Variants in TRPA1 observed in about 807,000 individuals in gnomAD.
TRPA1 encodes ankyrin-like with transmembrane domains 1.
Under a neutral mutation model 131.3 loss-of-function variants are expected in TRPA1, and 129 were observed. That is an observed-to-expected ratio of 0.98 (90% CI 0.85 to 1.14). The LOEUF (loss-of-function observed/expected upper bound fraction) is 1.14, where lower values mean the gene tolerates loss of function less well. Ranked by LOEUF, TRPA1 falls within the 50% of genes most tolerant of loss-of-function variation. The probability of loss-of-function intolerance (pLI) is 0.00; values close to 1 mark genes in which losing one functional copy is unlikely to be tolerated. For synonymous variants in TRPA1, 441 were observed against 451.7 expected, an observed-to-expected ratio of 0.98 and a Z score of 0.30; for missense variants, 1,304 against 1,354.2, an observed-to-expected ratio of 0.96 and a Z score of 0.58.
At chr8:72,063,103 C>T (rs1480829830) in intron 5 of TRPA1, among the ~76,000 whole-genome samples, 159 bp from the exon 6 acceptor site, 3 of 151,362 alleles carry the variant, frequency 2.0e-5, no homozygotes, top group South Asian at 2.1e-4. Flanking sequence ...CAAATTAGGC[C>T]GGGTGTGGTG....
chr8:72,078,996 G>A (rs1180554096), upstream of TRPA1, among the ~76,000 whole-genome samples: 1 of 151,736 alleles, frequency 6.6e-6, no homozygotes, highest in African/African-American at 2.4e-5. Flanking sequence ...TTCCCTAATG[G>A]CTAATGATAT....
intron 20 of TRPA1, 139 bp from the exon 21 acceptor site, chr8:72,036,596 C>T (rs904320986): frequency 2.2e-5 from 17 of 757,276 alleles, no homozygotes; most frequent in East Asian, 1.6e-4. Context: ...AGTAACCTCA[C>T]GCCATCCTGG....
At position 72,033,922 on chromosome 8, in the gene TRPA1, C is replaced by A; in HGVS notation, c.2686-96G>T. The A allele has an allele frequency of 4.8e-6, 6 of 1,248,744 alleles. No individual in the cohort carries two copies. In the Admixed American group the frequency reaches 9.1e-5, roughly 19 times the overall value. 77.4% of individuals were successfully genotyped at this position (1,248,744 alleles called of 1,614,324 possible). A position where few individuals can be genotyped will look rare whatever the true frequency, so the allele number is the denominator to read the frequency against. On this transcript the variant is annotated intron_variant, in intron 22 of 26. Transcript: ENST00000262209. The stretch of plus-strand genomic sequence containing the variant: ...AATGATAAAAACTATATTCAGAATA[C>A]TTTTTTAAAGTCATAGGCATATAGC...
At chr8:72,040,613 G>T (rs980180933) in intron 17 of TRPA1, among the ~76,000 whole-genome samples, 1 of 152,096 alleles carries the variant, frequency 6.6e-6, no homozygotes, top group African/African-American at 2.4e-5. Flanking sequence ...CTTCTAAGGG[G>T]CTGCCCAAGG....
chr8:72,073,725 G>A (rs565719515), intron 1 of TRPA1, among the ~76,000 whole-genome samples: 7 of 152,186 alleles, frequency 4.6e-5, no homozygotes, highest in South Asian at 2.1e-4. Context: ...GAAATCCTTC[G>A]GCAAATATCG....
chr8:72,025,105 CGTGTGT>C (rs71265963), intron 25 of TRPA1, among the ~76,000 whole-genome samples: 27,784 of 120,076 alleles, frequency 0.23, 3,363 homozygotes, highest in African/African-American at 0.38. Context: ...TGTGTGTGTT[CGTGTGT>C]GTGTGTGTGT....
At chr8:72,049,122 C>T (rs1213421722) in intron 15 of TRPA1, among the ~76,000 whole-genome samples, 2 of 150,008 alleles carry the variant, frequency 1.3e-5, no homozygotes, top group Non-Finnish European at 3.0e-5. Flanking sequence ...ATAAAAAAAC[C>T]GTCCAAAATA....
At chr8:72,037,728 T>C (rs1812104813) in intron 20 of TRPA1, among the ~76,000 whole-genome samples, 1 of 152,044 alleles carries the variant, frequency 6.6e-6, no homozygotes, top group Non-Finnish European at 1.5e-5. Context: ...ATAATGACCA[T>C]TTGTAGTTAG....
At chr8:72,062,654 C>T in intron 6 of TRPA1, 145 bp downstream of exon 6, 1 of 860,568 alleles carries the variant, frequency 1.2e-6, no homozygotes, top group Non-Finnish European at 1.8e-6. Flanking sequence ...GGGATATTCT[C>T]TTGTTCTGCT....
Position 72,075,432 on chromosome 8 carries a change from T to C in TRPA1, c.-23A>G, listed in dbSNP as rs1303364587. On this transcript the variant is annotated 5_prime_UTR_variant, in exon 1 of 27. Coordinates refer to ENST00000262209, the MANE Select transcript of TRPA1 (RefSeq NM_007332.3). ...CATTGACCCCACCCCGGACGCCACC[T>C]GGTGCAGCTGCTCACCACGCGCGCG... 1.9e-6 allele frequency: 3 copies of C among 1,574,114 alleles called. No individual in the cohort carries two copies. The East Asian group carries it at 6.7e-5, about 35-fold the overall frequency.
chr8:72,060,028 A>G (rs966558373), intron 7 of TRPA1, among the ~76,000 whole-genome samples: 3 of 152,112 alleles, frequency 2.0e-5, no homozygotes, highest in Non-Finnish European at 2.9e-5. Flanking sequence ...TCCTATCGCA[A>G]ATCTCATTTC....
the TRPA1 span, among the ~76,000 whole-genome samples, chr8:72,088,366 C>CTTTTTT: frequency 2.4e-3 from 194 of 81,184 alleles, 2 homozygotes; most frequent in Non-Finnish European, 3.7e-3. Flanking sequence ...TCTTTGAAAA[C>CTTTTTT]TTTTTTTTTT....
Position 72,059,405 on chromosome 8 carries a change from G to C in TRPA1, c.978C>G (p.Asp326Glu). 2 of 1,582,732 alleles carry C rather than the reference G, an allele frequency of 1.3e-6. No individual in the cohort carries two copies. The highest frequency in any genetic ancestry group is 1.7e-6 in the Non-Finnish European group (2 of 1,157,344). ...GAATAGTTACCACTGAAATTAAATA[G>C]TCTGCTAGCTCATGGTGATCAAACA... is the stretch of plus-strand genomic sequence containing the variant. ...ASLFDHHELA[D>E]YLISVGADIN... Residue 326 changes from aspartate to glutamate, a missense_variant, in exon 8 of 27, where the codon GAC (aspartate) becomes GAG (glutamate). Transcript: ENST00000262209.
chr8:72,075,859 AGT>A (rs61575164), upstream of TRPA1, among the ~76,000 whole-genome samples: 12,902 of 134,822 alleles, frequency 0.096, 597 homozygotes, highest in East Asian at 0.17. Context: ...CTTGCATGTG[AGT>A]GTGTGTGTGT....
chr8:72,029,693 TG>T (rs1474908229), intron 24 of TRPA1: 1 of 655,984 alleles, frequency 1.5e-6, no homozygotes, highest in Non-Finnish European at 2.8e-6. Flanking sequence ...GGTATTCTCC[TG>T]GGATGCCGGG....
At chr8:72,054,365 G>A (rs1162942969) in intron 12 of TRPA1, 3 of 156,046 alleles carry the variant, frequency 1.9e-5, no homozygotes, top group African/African-American at 7.2e-5. Context: ...TATTCTAAGA[G>A]TTTAAATCTA....
In TRPA1 at chr8:72,059,011, C is replaced by T. The variant is rs182162968; in HGVS notation, c.993+379G>A. On this transcript the variant is annotated intron_variant, in intron 8 of 26. Coordinates refer to ENST00000262209, the MANE Select transcript of TRPA1 (RefSeq NM_007332.3). The stretch of plus-strand genomic sequence containing the variant: ...GGCATCTGGGATAGGAGTTTCCCCC[C>T]GTGCTGCCTGTCCTGCCTCCACCTT... Among the ~76,000 whole-genome samples the T allele has an allele frequency of 5.6e-4, 85 of 152,300 alleles. 1 individual carries two copies. The highest frequency in any genetic ancestry group is 1.0e-3 in the Admixed American group (16 of 15,290).
Position 72,075,577 on chromosome 8 carries a change from A to G in TRPA1, c.-168T>C. ...AGTCGCTCTGCGGAAGCCCTGGAGA[A>G]CTTCTGGAAGGAGTTCTCAGGCCCG... On this transcript the variant is annotated 5_prime_UTR_variant, in exon 1 of 27. Transcript: ENST00000262209. 1.6e-6 allele frequency: 1 copy of G among 644,680 alleles called. No homozygotes were observed. The highest frequency in any genetic ancestry group is 2.8e-6 in the Non-Finnish European group (1 of 362,312). 39.9% of individuals were successfully genotyped at this position (644,680 alleles called of 1,614,324 possible).
At chr8:72,081,692 C>T in the TRPA1 span, among the ~76,000 whole-genome samples, 1 of 151,764 alleles carries the variant, frequency 6.6e-6, no homozygotes, top group African/African-American at 2.4e-5. Context: ...TAGATGCATA[C>T]TTATAATTAT....
Sources: gnomAD v4.1 joint callset for allele counts (sites outside exome capture counted in the v4.1 genomes callset) on GRCh38, gnomAD v4.1.1 for gene constraint, MANE v1.5 for transcripts, NCBI Gene and HGNC (gene_info 2026-07-23, HGNC 2026-07-21) for gene names.